TCF7L2: variants seen among roughly 807,000 people sequenced by gnomAD.
TCF7L2 encodes transcription factor 7 like 2.
Under a neutral mutation model 77.9 loss-of-function variants are expected in TCF7L2, and 23 were observed. The observed-to-expected ratio is 0.30, with a 90% CI of 0.21 to 0.42. The LOEUF (loss-of-function observed/expected upper bound fraction) is 0.42, where lower values mean the gene tolerates loss of function less well. Among genes scored for constraint, TCF7L2 ranks in the 10% least tolerant of loss-of-function variants. The pLI, the probability that TCF7L2 is intolerant of heterozygous loss-of-function variation, is 1.00. For missense variants in TCF7L2, 654 were observed against 793.1 expected, an observed-to-expected ratio of 0.82 and a Z score of 2.11; for synonymous variants, 413 against 340.2, an observed-to-expected ratio of 1.21 and a Z score of -2.36.
At chr10:113,112,556 G>A (rs1437506710) in intron 5 of TCF7L2, among the ~76,000 whole-genome samples, 3 of 152,232 alleles carry the variant, frequency 2.0e-5, no homozygotes, top group Admixed American at 1.3e-4. Context: ...ACACATACGT[G>A]TTGTAAAGGG....
At chr10:113,154,987 T>A (rs2071560997) in intron 11 of TCF7L2, among the ~76,000 whole-genome samples, 1 of 152,104 alleles carries the variant, frequency 6.6e-6, no homozygotes, top group East Asian at 1.9e-4. Flanking sequence ...CTAGTATTTT[T>A]TTTTTTTTTT....
At chr10:113,055,461 A>G (rs905841630) in intron 5 of TCF7L2, among the ~76,000 whole-genome samples, 2 of 152,118 alleles carry the variant, frequency 1.3e-5, no homozygotes, top group African/African-American at 4.8e-5. Context: ...GTTTTCTGTT[A>G]TTGATTTATA....
At chr10:113,146,741 T>C (rs1761874483) in intron 8 of TCF7L2, among the ~76,000 whole-genome samples, 1 of 152,132 alleles carries the variant, frequency 6.6e-6, no homozygotes, top group Non-Finnish European at 1.5e-5. Context: ...ATTAATAAGA[T>C]GTTATGTTCT....
chr10:113,043,833 G>A (rs982916737), intron 5 of TCF7L2, among the ~76,000 whole-genome samples: 5 of 152,112 alleles, frequency 3.3e-5, no homozygotes, highest in Admixed American at 2.6e-4. Context: ...GAGTGGTAGA[G>A]TTTGAGTCAG....
intron 3 of TCF7L2, among the ~76,000 whole-genome samples, chr10:112,953,343 G>T (rs1489580456): frequency 1.3e-5 from 2 of 152,160 alleles, no homozygotes; most frequent in Non-Finnish European, 2.9e-5. Context: ...CAGGCTGCAG[G>T]GGCCGCGCTC....
At chr10:113,098,175 G>C (rs1473135801) in intron 5 of TCF7L2, among the ~76,000 whole-genome samples, 1 of 151,960 alleles carries the variant, frequency 6.6e-6, no homozygotes, top group Non-Finnish European at 1.5e-5. Flanking sequence ...TCTGGCACAG[G>C]CTCCTGACCC....
intron 7 of TCF7L2, 119 bp from the exon 8 acceptor site, chr10:113,145,892 G>T: frequency 1.2e-6 from 1 of 804,538 alleles, no homozygotes; most frequent in Non-Finnish European, 2.1e-6. Context: ...CAAGATTTTT[G>T]TTCTGATCAA....
intron 4 of TCF7L2, among the ~76,000 whole-genome samples, chr10:112,986,618 T>C (rs550069095): frequency 3.7e-4 from 57 of 152,318 alleles, no homozygotes; most frequent in African/African-American, 1.3e-3. Context: ...TGCACACTTA[T>C]AAGTCACTGT....
intron 4 of TCF7L2, among the ~76,000 whole-genome samples, chr10:113,016,063 ATT>A (rs60051883): frequency 9.0e-4 from 130 of 144,434 alleles, no homozygotes; most frequent in Middle Eastern, 3.7e-3. Flanking sequence ...TGCTTGGTGT[ATT>A]TTTTTTTTTT....
chr10:112,973,837 G>T (rs1486380886), intron 4 of TCF7L2, among the ~76,000 whole-genome samples: 1 of 152,054 alleles, frequency 6.6e-6, no homozygotes, highest in East Asian at 1.9e-4. Context: ...TAATCTGCCC[G>T]CCTTGGCCTC....
chr10:112,981,326 G>A (rs893022340), intron 4 of TCF7L2, among the ~76,000 whole-genome samples: 1 of 151,006 alleles, frequency 6.6e-6, no homozygotes, highest in African/African-American at 2.4e-5. Context: ...AAAAAATAAA[G>A]AAAGAAAAAA....
chr10:113,060,671 C>T (rs1294831282), intron 5 of TCF7L2, among the ~76,000 whole-genome samples: 6 of 151,988 alleles, frequency 3.9e-5, no homozygotes, highest in Admixed American at 2.6e-4. Flanking sequence ...CCAGCCATAC[C>T]GAAAAGAGCA....
intron 5 of TCF7L2, among the ~76,000 whole-genome samples, chr10:113,088,988 G>A (rs141009278): frequency 2.2e-4 from 34 of 151,976 alleles, no homozygotes; most frequent in Non-Finnish European, 4.9e-4. Flanking sequence ...AGTATTAAGT[G>A]GAACCATATG....
At chr10:113,022,147 C>T (rs377463000) in intron 4 of TCF7L2, among the ~76,000 whole-genome samples, 1 of 152,156 alleles carries the variant, frequency 6.6e-6, no homozygotes, top group Non-Finnish European at 1.5e-5. Context: ...CATTGCAAAA[C>T]CTCTTTGGGA....
In TCF7L2 at chr10:112,951,619, C is replaced by A; in HGVS notation, c.381+12C>A. The A allele has an allele frequency of 8.3e-7, 1 of 1,210,352 alleles. No homozygotes were observed. The highest frequency in any genetic ancestry group is 1.1e-6 in the Non-Finnish European group (1 of 948,966). The allele number at this position is 1,210,352 out of a possible 1,614,324, so 75.0% of individuals were successfully genotyped here. On this transcript the variant is annotated intron_variant, in intron 3 of 13. Transcript: ENST00000627217. Reference sequence around the variant, plus strand: ...CCACCGCCCGAACCGTAAGTGCCTCCGCGCCCGGCCCCCGCCCGCTGCCCG... The same window carrying A: ...CCACCGCCCGAACCGTAAGTGCCTCAGCGCCCGGCCCCCGCCCGCTGCCCG...
At position 113,075,447 on chromosome 10, in the gene TCF7L2, G is replaced by T. The variant is rs1253999376; in HGVS notation, c.552+35321G>T. On this transcript the variant is annotated intron_variant, in intron 5 of 13. Transcript: ENST00000627217. ...GCACTCCAGCCTGGGCGACAAGAGC[G>T]AAACTCTGTGTCCAAAAAAAAAAGA... Among the ~76,000 whole-genome samples, 3 of 139,796 alleles carry T rather than the reference G, an allele frequency of 2.1e-5. No individual in the cohort carries two copies. The Admixed American group carries it at 2.2e-4, about 10-fold the overall frequency. 91.7% of individuals were successfully genotyped at this position (139,796 alleles called of 152,430 possible).
intron 4 of TCF7L2, among the ~76,000 whole-genome samples, chr10:113,020,547 G>A (rs1348809606): frequency 3.3e-5 from 5 of 152,198 alleles, no homozygotes; most frequent in African/African-American, 7.2e-5. Flanking sequence ...TGCTGACATG[G>A]TGCAAAGAGC....
At chr10:113,136,580 C>T (rs1475626334) in intron 5 of TCF7L2, among the ~76,000 whole-genome samples, 1 of 152,066 alleles carries the variant, frequency 6.6e-6, no homozygotes, top group African/African-American at 2.4e-5. Flanking sequence ...ATTTTGTATC[C>T]CCATGTAGTT....
At chr10:113,165,456 A>G in intron 13 of TCF7L2, 99 bp from the exon 15 acceptor site, 2 of 1,326,730 alleles carry the variant, frequency 1.5e-6, no homozygotes, top group Non-Finnish European at 2.1e-6. Context: ...TCTGTGGGAC[A>G]TCCCTTAGGT....
Sources: allele counts gnomAD v4.1 joint callset (sites outside exome capture counted in the v4.1 genomes callset), GRCh38; gene constraint gnomAD v4.1.1; transcripts MANE v1.5; gene names NCBI Gene and HGNC (gene_info 2026-07-23, HGNC 2026-07-21).